Variants in TAF3 observed in about 807,000 individuals in gnomAD.
TAF3 encodes the protein TATA-box binding protein associated factor 3, also known as transcription initiation factor TFIID subunit 3.
In TAF3, 7 loss-of-function variants were observed where a neutral mutation model predicts 80.6. That is an observed-to-expected ratio of 0.09 (90% CI 0.05 to 0.16). The LOEUF is 0.16. TAF3 is among the 10% of genes least tolerant of loss of function. The pLI is 1.00. For missense variants in TAF3, 921 were observed against 1,140.2 expected, an observed-to-expected ratio of 0.81 and a Z score of 2.77; for synonymous variants, 444 against 446.1, an observed-to-expected ratio of 1.00 and a Z score of 0.06.
Position 7,964,148 on chromosome 10 carries a change from G to A in TAF3, c.638G>A (p.Arg213Gln), listed in dbSNP as rs766914339. The change falls in exon 3 of 7, where the codon CGA becomes CAA. Residue 213 changes from arginine (R) to glutamine (Q), a missense_variant. Arg to Gln is a conservative substitution (Grantham distance 43, BLOSUM62 1). This residue lies in a region of TAF3 where 743 missense variants were observed against 821.0 expected (regional missense o/e 0.90). Transcript: ENST00000344293. This position sits in a 1 kb window ranked among gnomAD's most constrained non-coding sequence, Gnocchi z 4.1. ...CTAGATGTTGTGTTATTGGAAGCTC[G>A]AGAGCCACTCAGCTCAATAAATACT... Reference protein sequence around the residue: ...DTLDVVLLEAREPLSSINTQK... With the variant: ...DTLDVVLLEAQEPLSSINTQK... 14 of 1,613,964 alleles carry A rather than the reference G, an allele frequency of 8.7e-6. No homozygotes were observed. The highest frequency in any genetic ancestry group is 1.2e-5 in the Non-Finnish European group (14 of 1,180,038).
intron 2 of TAF3, among the ~76,000 whole-genome samples, chr10:7,933,901 C>T (rs1837892483): frequency 6.6e-6 from 1 of 152,170 alleles, no homozygotes; most frequent in African/African-American, 2.4e-5. Context: ...TTTAGCATTT[C>T]TGAAATCCAG....
chr10:7,932,933 G>A (rs1837882593), intron 2 of TAF3, among the ~76,000 whole-genome samples: 1 of 151,890 alleles, frequency 6.6e-6, no homozygotes. Flanking sequence ...TCCCGCCTTG[G>A]CCTCCCAAAG....
At chr10:7,975,191 G>A (rs1327602654) in intron 3 of TAF3, 2 of 201,460 alleles carry the variant, frequency 9.9e-6, no homozygotes, top group Non-Finnish European at 2.1e-5. Context: ...GGAGACAGAT[G>A]CTAGTGTAAT....
chr10:7,824,625 T>G (rs1836723723), intron 2 of TAF3, 65 bp downstream of exon 2: 17 of 1,528,200 alleles, frequency 1.1e-5, no homozygotes, highest in Non-Finnish European at 1.5e-5. Flanking sequence ...CCTCTTAGCT[T>G]TCCATGCTAT....
At chr10:7,891,579 T>G (rs1019611774) in intron 2 of TAF3, among the ~76,000 whole-genome samples, 4 of 152,224 alleles carry the variant, frequency 2.6e-5, no homozygotes, top group African/African-American at 9.6e-5. Context: ...TTTTAAAAAA[T>G]GTTTTATTTT....
chr10:7,916,251 A>C (rs1837711393), intron 2 of TAF3, among the ~76,000 whole-genome samples: 1 of 152,198 alleles, frequency 6.6e-6, no homozygotes, highest in Non-Finnish European at 1.5e-5. Context: ...TCCTTCAGGT[A>C]ATTAATGTAT....
At chr10:7,830,730 A>C (rs540348785) in intron 2 of TAF3, among the ~76,000 whole-genome samples, 15 of 152,040 alleles carry the variant, frequency 9.9e-5, no homozygotes, top group African/African-American at 3.6e-4. Flanking sequence ...GTGATCCGCC[A>C]GCCTCGGCCT....
Position 8,016,190 on chromosome 10 carries a change from G to A in TAF3, c.*1439G>A, listed in dbSNP as rs997130933. 15 of 152,336 alleles carry A rather than the reference G, an allele frequency of 9.8e-5. No individual in the cohort carries two copies. Among genetic ancestry groups the A allele is most frequent in the Admixed American group, 5.9e-4 (9 of 15,300 alleles). The allele number at this position is 152,336 out of a possible 1,614,324, so 9.4% of individuals were successfully genotyped here. Reference sequence around the variant, plus strand: ...TACTTGATTTTGAAATAATCCCAGTGTAGGCCCATGTGCTGGATCTGTTGG... The same window carrying A: ...TACTTGATTTTGAAATAATCCCAGTATAGGCCCATGTGCTGGATCTGTTGG... On this transcript the variant is annotated 3_prime_UTR_variant, in exon 7 of 7. Coordinates refer to ENST00000344293, the MANE Select transcript of TAF3 (RefSeq NM_031923.4).
intron 2 of TAF3, among the ~76,000 whole-genome samples, chr10:7,911,096 A>G (rs1837653167): frequency 6.6e-6 from 1 of 152,180 alleles, no homozygotes; most frequent in Admixed American, 6.5e-5. Flanking sequence ...GAGGGAGAAG[A>G]CTCACACCTG....
At chr10:7,928,908 C>T (rs1290375440) in intron 2 of TAF3, among the ~76,000 whole-genome samples, 1 of 152,108 alleles carries the variant, frequency 6.6e-6, no homozygotes, top group Non-Finnish European at 1.5e-5. Flanking sequence ...AAGCATTGTG[C>T]TTATGTCAAA....
At chr10:7,843,865 A>G (rs979812490) in intron 2 of TAF3, among the ~76,000 whole-genome samples, 5 of 152,130 alleles carry the variant, frequency 3.3e-5, no homozygotes, top group East Asian at 1.9e-4. Flanking sequence ...TTTATCATCC[A>G]TTTTACTCTT....
intron 2 of TAF3, among the ~76,000 whole-genome samples, chr10:7,930,521 G>T (rs918439354): frequency 6.6e-6 from 1 of 152,150 alleles, no homozygotes; most frequent in South Asian, 2.1e-4. Context: ...AAGCTATAAG[G>T]AGTGCATTAA....
intron 2 of TAF3, among the ~76,000 whole-genome samples, chr10:7,949,056 A>G (rs1324911666): frequency 2.6e-5 from 4 of 152,252 alleles, no homozygotes; most frequent in East Asian, 1.9e-4. Flanking sequence ...TCTCGGGTCA[A>G]CAGTGTCAGG....
chr10:7,924,187 A>G (rs767926544), intron 2 of TAF3, among the ~76,000 whole-genome samples: 4 of 152,214 alleles, frequency 2.6e-5, no homozygotes, highest in Admixed American at 6.5e-5. Flanking sequence ...GTGCCAGGGT[A>G]TTTGAGAAAG....
chr10:8,013,666 C>G, intron 5 of TAF3, 65 bp from the exon 6 acceptor site: 1 of 1,289,926 alleles, frequency 7.8e-7, no homozygotes, highest in Non-Finnish European at 1.1e-6. Context: ...TCATTCTGAT[C>G]TGGCCTCTTT....
intron 2 of TAF3, among the ~76,000 whole-genome samples, chr10:7,851,945 T>C (rs1837031193): frequency 6.7e-6 from 1 of 149,894 alleles, no homozygotes; most frequent in African/African-American, 2.4e-5. Flanking sequence ...ATGCCTGGCT[T>C]TTTTTTTTTC....
chr10:7,879,906 C>T (rs1427475079), intron 2 of TAF3, among the ~76,000 whole-genome samples: 2 of 151,866 alleles, frequency 1.3e-5, no homozygotes, highest in Admixed American at 1.3e-4. Flanking sequence ...GAAACAAGAC[C>T]TAGTAAATGA....
chr10:7,899,494 C>G (rs946384973), intron 2 of TAF3, among the ~76,000 whole-genome samples: 4 of 152,098 alleles, frequency 2.6e-5, no homozygotes, highest in African/African-American at 9.7e-5. Flanking sequence ...TGTTTCTTTC[C>G]CTCTACAGTT....
chr10:8,004,035 GTTTTATTTTTA>G (rs1239375818), intron 4 of TAF3, among the ~76,000 whole-genome samples: 1 of 151,920 alleles, frequency 6.6e-6, no homozygotes, highest in Non-Finnish European at 1.5e-5. Context: ...AAACTTTTCA[GTTTTATTTTTA>G]TTTTATTTTA....
Sources: allele counts gnomAD v4.1 joint callset (sites outside exome capture counted in the v4.1 genomes callset), GRCh38; gene constraint gnomAD v4.1.1; regional missense constraint gnomAD v4.1.1; non-coding constraint Gnocchi (gnomAD v3.1); transcripts MANE v1.5; gene names NCBI Gene and HGNC (gene_info 2026-07-23, HGNC 2026-07-21).